LIPJ: variants seen among roughly 807,000 people sequenced by gnomAD.
The protein encoded by LIPJ is lipase family member J.
LIPJ carries 33 observed loss-of-function variants against 39.8 expected under a neutral mutation model. That is an observed-to-expected ratio of 0.83 (90% CI 0.63 to 1.11). The LOEUF is 1.11. Among genes scored for constraint, LIPJ ranks in the 50% least tolerant of loss-of-function variants. LIPJ has a pLI of 0.00. For missense variants in LIPJ, 422 were observed against 427.9 expected, an observed-to-expected ratio of 0.99 and a Z score of 0.12; for synonymous variants, 128 against 139.2, an observed-to-expected ratio of 0.92 and a Z score of 0.57.
In LIPJ at chr10:88,599,007, TA is replaced by T. The variant is rs1299557904; in HGVS notation, c.723+2073del. Among the ~76,000 whole-genome samples the T allele has an allele frequency of 1.5e-3, 219 of 143,464 alleles. 3 individuals carry two copies. Among genetic ancestry groups the T allele is most frequent in the African/African-American group, 5.3e-3 (206 of 39,112 alleles). 94.1% of individuals were successfully genotyped at this position (143,464 alleles called of 152,430 possible). On this transcript the variant is annotated intron_variant, in intron 8 of 10. Transcript: ENST00000371939. ...TAATATAAAATATTATATTATATTA[TA>T]ATAATATATTATATTAATTTAATAT...
chr10:88,584,030 A>G (rs1245417347), upstream of LIPJ: 1 of 152,270 alleles, frequency 6.6e-6, no homozygotes, highest in Non-Finnish European at 1.5e-5. Context: ...CTATTAAAAA[A>G]CAAATAATTA....
At chr10:88,596,488 T>G (rs1449836304) in intron 7 of LIPJ, 72 bp downstream of exon 7, 43 of 1,391,424 alleles carry the variant, frequency 3.1e-5, no homozygotes, top group Non-Finnish European at 3.9e-5. Flanking sequence ...TAAGAGATCT[T>G]GACTATACGT....
At chr10:88,587,808 A>T (rs912693715) in intron 2 of LIPJ, among the ~76,000 whole-genome samples, 1 of 152,074 alleles carries the variant, frequency 6.6e-6, no homozygotes, top group Admixed American at 6.6e-5. Context: ...AATAATGATT[A>T]CCTGCTCCAT....
intron 8 of LIPJ, among the ~76,000 whole-genome samples, chr10:88,599,331 G>A (rs1159975541): frequency 6.6e-6 from 1 of 151,724 alleles, no homozygotes; most frequent in East Asian, 1.9e-4. Context: ...AGTATTATTA[G>A]CTAGTCACCA....
At chr10:88,619,679 T>A in the LIPJ span, among the ~76,000 whole-genome samples, 1 of 152,142 alleles carries the variant, frequency 6.6e-6, no homozygotes, top group Non-Finnish European at 1.5e-5. Context: ...AAAAAGAGTA[T>A]ATATGTAATA....
chr10:88,593,031 T>C (rs547870440), intron 4 of LIPJ: 1 of 151,952 alleles, frequency 6.6e-6, no homozygotes, highest in Non-Finnish European at 1.5e-5. Context: ...CTTGTTCATG[T>C]ACAGTTAAAA....
Position 88,594,596 on chromosome 10 carries a change from CTTCATTATT to C in LIPJ, c.330-66_330-58del, listed in dbSNP as rs1250562119. Reference sequence around the variant, plus strand: ...GAAAATTGCCTTTATTCAGTTATCTCTTCATTATTTTCAAATACTAACATAACATTAGTA... The same window carrying C: ...GAAAATTGCCTTTATTCAGTTATCTCTTCAAATACTAACATAACATTAGTA... On this transcript the variant is annotated intron_variant, in intron 5 of 10. Coordinates refer to ENST00000371939, the Ensembl canonical transcript of LIPJ. The C allele has an allele frequency of 9.8e-6, 7 of 713,436 alleles. No individual in the cohort carries two copies. In the East Asian group the frequency reaches 2.0e-4, roughly 21 times the overall value. The allele number at this position is 713,436 out of a possible 1,614,324, so 44.2% of individuals were successfully genotyped here. A position where few individuals can be genotyped will look rare whatever the true frequency, so the allele number is the denominator to read the frequency against.
At position 88,590,716 on chromosome 10, in the gene LIPJ, A is replaced by T; in HGVS notation, c.9+20A>T. ...AATATTGTAAGTTGTTAGAAAATAAATCTGGACTGCTGAAATAACAGAGAA... is the reference window on the plus strand; with the variant it reads ...AATATTGTAAGTTGTTAGAAAATAATTCTGGACTGCTGAAATAACAGAGAA... On this transcript the variant is annotated intron_variant, in intron 3 of 10. Transcript: ENST00000371939. 6.3e-7 allele frequency: 1 copy of T among 1,581,814 alleles called. No individual in the cohort carries two copies.
the LIPJ span, among the ~76,000 whole-genome samples, chr10:88,621,763 A>G: frequency 6.6e-6 from 1 of 152,176 alleles, no homozygotes; most frequent in South Asian, 2.1e-4. Flanking sequence ...CACTAACACA[A>G]TGATATTTGA....
intron 4 of LIPJ, 186 bp downstream of exon 4, chr10:88,591,684 A>G: frequency 2.5e-6 from 1 of 404,074 alleles, no homozygotes; most frequent in East Asian, 4.2e-5. Context: ...CTGGTCACAG[A>G]GAGGTTGTGA....
intron 2 of LIPJ, among the ~76,000 whole-genome samples, chr10:88,589,934 T>C (rs1851025029): frequency 6.6e-6 from 1 of 151,748 alleles, no homozygotes; most frequent in Non-Finnish European, 1.5e-5. Context: ...TTATAATCCT[T>C]GAATCATGTC....
downstream of LIPJ, among the ~76,000 whole-genome samples, chr10:88,611,864 C>G (rs1461832351): frequency 6.6e-6 from 1 of 152,182 alleles, no homozygotes; most frequent in East Asian, 1.9e-4. Flanking sequence ...TCAAGGAAAA[C>G]TTATTCAGCC....
the LIPJ span, among the ~76,000 whole-genome samples, chr10:88,622,106 T>C: frequency 2.0e-5 from 3 of 152,180 alleles, no homozygotes; most frequent in African/African-American, 7.2e-5. Flanking sequence ...CCTTGGCTGA[T>C]AGAAAGCACG....
chr10:88,622,389 A>G, the LIPJ span, among the ~76,000 whole-genome samples: 9 of 152,182 alleles, frequency 5.9e-5, no homozygotes, highest in African/African-American at 2.2e-4. Flanking sequence ...CCCCACCTAA[A>G]GTACTGACGG....
intron 5 of LIPJ, 40 bp downstream of exon 5, chr10:88,594,184 A>G (rs1851177119): frequency 1.3e-6 from 2 of 1,482,352 alleles, no homozygotes; most frequent in African/African-American, 1.4e-5. Flanking sequence ...TTATAAGTGT[A>G]TACAAATTTT....
intron 9 of LIPJ, among the ~76,000 whole-genome samples, chr10:88,604,018 G>A (rs967235112): frequency 2.0e-5 from 3 of 152,092 alleles, no homozygotes; most frequent in African/African-American, 7.2e-5. Flanking sequence ...AAGAACTCCT[G>A]TCATCCTCAA....
the LIPJ span, among the ~76,000 whole-genome samples, chr10:88,622,728 T>C: frequency 6.6e-6 from 1 of 152,200 alleles, no homozygotes; most frequent in Admixed American, 6.5e-5. Context: ...GGCAACACAG[T>C]GCAGGATAAT....
chr10:88,596,987 T>C, intron 8 of LIPJ, 51 bp downstream of exon 8: 1 of 1,056,854 alleles, frequency 9.5e-7, no homozygotes, highest in African/African-American at 1.6e-5. Context: ...ATTTGGAAAG[T>C]ATAATAATAA....
chr10:88,602,550 C>CTT (rs11343654), intron 8 of LIPJ, 26 bp from the exon 9 acceptor site: 262 of 1,041,638 alleles, frequency 2.5e-4, no homozygotes, highest in Non-Finnish European at 2.7e-4. Context: ...TATAAAAATG[C>CTT]TTTTTTTTTT....
Sources: gnomAD v4.1 joint callset for allele counts (sites outside exome capture counted in the v4.1 genomes callset) on GRCh38, gnomAD v4.1.1 for gene constraint, MANE v1.5 for transcripts, NCBI Gene and HGNC (gene_info 2026-07-23, HGNC 2026-07-21) for gene names.